Variants in PHF24 observed in about 807,000 individuals in gnomAD.
The protein encoded by PHF24 is PHD finger protein 24.
Under a neutral mutation model 42.6 loss-of-function variants are expected in PHF24, and 25 were observed. The ratio of observed to expected loss-of-function variants is 0.59; its 90% confidence interval spans 0.43 to 0.82. PHF24 has a LOEUF of 0.82. PHF24 is among the 40% of genes least tolerant of loss of function. The pLI, the probability that PHF24 is intolerant of heterozygous loss-of-function variation, is 0.00. For synonymous variants in PHF24, 185 were observed against 204.8 expected (o/e 0.90, Z 0.83); for missense variants, 470 against 538.1 (o/e 0.87, Z 1.25).
chr9:34,806,026 A>G, the PHF24 span, among the ~76,000 whole-genome samples: 1 of 152,188 alleles, frequency 6.6e-6, no homozygotes, highest in African/African-American at 2.4e-5. Flanking sequence ...TTAGTTGTCC[A>G]TAGATGTATG....
At chr9:34,688,285 C>T in the PHF24 span, among the ~76,000 whole-genome samples, 2 of 152,212 alleles carry the variant, frequency 1.3e-5, no homozygotes, top group Non-Finnish European at 2.9e-5. Flanking sequence ...CCCAGTGGCA[C>T]AGCCTTGTCA....
At chr9:34,727,583 C>T in the PHF24 span, among the ~76,000 whole-genome samples, 194 of 152,188 alleles carry the variant, frequency 1.3e-3, no homozygotes, top group African/African-American at 4.1e-3. Context: ...AAGACAGAAC[C>T]GGAGGAGGTC....
chr9:34,698,417 T>G, the PHF24 span, among the ~76,000 whole-genome samples: 1 of 92,324 alleles, frequency 1.1e-5, no homozygotes, highest in African/African-American at 2.8e-5. Context: ...TTATATGTAC[T>G]ACTGCAAAAT....
the PHF24 span, among the ~76,000 whole-genome samples, chr9:34,687,796 C>A: frequency 2.0e-5 from 3 of 152,200 alleles, no homozygotes; most frequent in Non-Finnish European, 2.9e-5. Context: ...TCTGAGACAC[C>A]AGCCTGCTGG....
At chr9:34,728,066 C>T in the PHF24 span, 1 of 1,551,930 alleles carries the variant, frequency 6.4e-7, no homozygotes, top group African/African-American at 1.4e-5. Context: ...CAGCTTCTTC[C>T]CGGGAACGTC....
the PHF24 span, among the ~76,000 whole-genome samples, chr9:34,688,066 A>G: frequency 2.0e-5 from 3 of 152,168 alleles, no homozygotes; most frequent in East Asian, 3.8e-4. Context: ...GGGATACCCA[A>G]GGTTTTGAGC....
chr9:34,812,748 C>T, the PHF24 span, among the ~76,000 whole-genome samples: 1 of 152,156 alleles, frequency 6.6e-6, no homozygotes, highest in Non-Finnish European at 1.5e-5. Context: ...TTTGCTTTCC[C>T]CAGTCATCTT....
At chr9:34,671,112 A>C in the PHF24 span, among the ~76,000 whole-genome samples, 1 of 152,182 alleles carries the variant, frequency 6.6e-6, no homozygotes. Flanking sequence ...CCTATGCCCC[A>C]GAGCTGAGTT....
the PHF24 span, among the ~76,000 whole-genome samples, chr9:34,829,303 C>T: frequency 6.6e-6 from 1 of 151,908 alleles, no homozygotes; most frequent in African/African-American, 2.4e-5. Context: ...GGTGGGTGGG[C>T]AGGGAATCGA....
chr9:34,733,567 T>C, the PHF24 span, among the ~76,000 whole-genome samples: 1 of 151,914 alleles, frequency 6.6e-6, no homozygotes, highest in Non-Finnish European at 1.5e-5. Flanking sequence ...GTGGTGCCAT[T>C]ATGGCTCACT....
chr9:34,700,006 A>G, the PHF24 span, among the ~76,000 whole-genome samples: 1 of 152,328 alleles, frequency 6.6e-6, no homozygotes, highest in Admixed American at 6.5e-5. Flanking sequence ...TTGAGCAGAG[A>G]GCTGACCTGA....
chr9:34,734,364 C>T, the PHF24 span, among the ~76,000 whole-genome samples: 92 of 152,314 alleles, frequency 6.0e-4, 1 homozygote, highest in African/African-American at 2.2e-3. Flanking sequence ...CTTGCAGGGT[C>T]CTTTCCACGA....
At chr9:34,939,516 G>A in the PHF24 span, among the ~76,000 whole-genome samples, 2 of 152,276 alleles carry the variant, frequency 1.3e-5, no homozygotes, top group Admixed American at 6.5e-5. Context: ...CAGGCCTTAG[G>A]GTGCCACGTA....
the PHF24 span, chr9:34,836,058 A>C: frequency 1.7e-6 from 1 of 592,170 alleles, no homozygotes; most frequent in East Asian, 4.0e-5. Context: ...CCTGGCTGGA[A>C]AGAGAAACAT....
At chr9:34,885,081 G>T in the PHF24 span, among the ~76,000 whole-genome samples, 1 of 152,146 alleles carries the variant, frequency 6.6e-6, no homozygotes, top group Non-Finnish European at 1.5e-5. Context: ...CTCCTACATG[G>T]CTTTCTGCCC....
At chr9:34,818,277 A>G in the PHF24 span, among the ~76,000 whole-genome samples, 1 of 152,312 alleles carries the variant, frequency 6.6e-6, no homozygotes, top group East Asian at 1.9e-4. Context: ...GAAAGTGTTC[A>G]ATCTTTTACC....
At chr9:34,847,676 G>A in the PHF24 span, among the ~76,000 whole-genome samples, 1 of 151,796 alleles carries the variant, frequency 6.6e-6, no homozygotes, top group East Asian at 1.9e-4. Context: ...CCTGTCTTGT[G>A]CCAGTTTTCA....
the PHF24 span, among the ~76,000 whole-genome samples, chr9:34,786,222 C>G: frequency 6.6e-6 from 1 of 152,138 alleles, no homozygotes; most frequent in Non-Finnish European, 1.5e-5. Flanking sequence ...TTCAAGCTAT[C>G]ACAGTCACCA....
At chr9:34,972,268 T>C in intron 2 of PHF24, 78 bp from the exon 3 acceptor site, 1 of 1,298,808 alleles carries the variant, frequency 7.7e-7, no homozygotes, top group South Asian at 1.4e-5. Context: ...CCCATGCAGG[T>C]AGCTCTGTGC....
Sources: allele counts gnomAD v4.1 joint callset (sites outside exome capture counted in the v4.1 genomes callset), GRCh38; gene constraint gnomAD v4.1.1; transcripts MANE v1.5; gene names NCBI Gene and HGNC (gene_info 2026-07-23, HGNC 2026-07-21).